TBC1D23: variants seen among roughly 807,000 people sequenced by gnomAD.
TBC1D23 encodes TBC1 domain family member 23.
Under a neutral mutation model 91.4 loss-of-function variants are expected in TBC1D23, and 55 were observed. The ratio of observed to expected loss-of-function variants is 0.60; its 90% CI spans 0.48 to 0.75. The LOEUF is 0.75. Ranked by LOEUF, TBC1D23 falls within the 30% of genes least tolerant of loss-of-function variation. The probability of loss-of-function intolerance (pLI) is 0.00; values close to 1 mark genes in which losing one functional copy is unlikely to be tolerated. For synonymous variants in TBC1D23, 289 were observed against 281.0 expected (o/e 1.03, Z -0.28); for missense variants, 725 against 836.1 (o/e 0.87, Z 1.64).
intron 1 of TBC1D23, among the ~76,000 whole-genome samples, chr3:100,272,353 C>G (rs1030564342): frequency 2.6e-5 from 4 of 152,178 alleles, no homozygotes; most frequent in Admixed American, 2.6e-4. Flanking sequence ...TGTTTGAGAA[C>G]ATGCAGTATT....
intron 14 of TBC1D23, among the ~76,000 whole-genome samples, chr3:100,311,537 C>T (rs147599457): frequency 5.3e-5 from 8 of 152,222 alleles, no homozygotes; most frequent in African/African-American, 1.9e-4. Flanking sequence ...TTTGTTGGTG[C>T]TTCTGAGTTG....
chr3:100,273,853 A>G (rs944757860), intron 1 of TBC1D23, among the ~76,000 whole-genome samples: 1 of 152,256 alleles, frequency 6.6e-6, no homozygotes, highest in Non-Finnish European at 1.5e-5. Flanking sequence ...TACACTATAT[A>G]CAAAAATCAA....
chr3:100,307,375 A>G lies in TBC1D23; in HGVS notation c.1413+832A>G, dbSNP rs1705534328. 2.0e-5 allele frequency among the ~76,000 whole-genome samples: 3 copies of G among 152,262 alleles called. No individual in the cohort carries two copies. The South Asian group carries it at 6.2e-4, about 31-fold the overall frequency. On this transcript the variant is annotated intron_variant, in intron 13 of 18. Coordinates refer to ENST00000394144, the MANE Select transcript of TBC1D23 (RefSeq NM_001199198.3). ...ACATACCTGGGTTCAGATTTCATCT[A>G]CAACTTACTTTCTTCATGATCTCCA... is the stretch of plus-strand genomic sequence containing the variant.
intron 4 of TBC1D23, among the ~76,000 whole-genome samples, chr3:100,288,681 T>C (rs1212812762): frequency 6.6e-6 from 1 of 152,224 alleles, no homozygotes; most frequent in Non-Finnish European, 1.5e-5. Flanking sequence ...GTTTATAAGT[T>C]TTTGCTGATT....
intron 3 of TBC1D23, among the ~76,000 whole-genome samples, chr3:100,282,659 T>A (rs1445237448): frequency 6.6e-6 from 1 of 152,248 alleles, no homozygotes; most frequent in Non-Finnish European, 1.5e-5. Context: ...ATATTTTAGT[T>A]AAATTATTAG....
At chr3:100,306,413 C>CTT (rs199565283) in intron 12 of TBC1D23, 24 bp from the exon 13 acceptor site, 21 of 1,275,978 alleles carry the variant, frequency 1.6e-5, no homozygotes, top group African/African-American at 6.1e-5. Context: ...TTAGGTTTTT[C>CTT]TTTTTTTTTT....
At position 100,295,064 on chromosome 3, in the gene TBC1D23, CTCATT is replaced by C. The variant is rs755093809; in HGVS notation, c.601-15_601-11del. 3.2e-6 allele frequency: 5 copies of C among 1,553,908 alleles called. No individual in the cohort carries two copies. Among genetic ancestry groups the C allele is most frequent in the Non-Finnish European group, 8.6e-7 (1 of 1,156,426 alleles). The stretch of plus-strand genomic sequence containing the variant: ...AAGTCACCTCCAGTGGTTTATGTCT[CTCATT>C]TCATTTCCTGATTACAGCTTGGAAG... On this transcript the variant is annotated intron_variant, in intron 5 of 18. Transcript: ENST00000394144.
At chr3:100,289,206 C>A (rs2067768913) in intron 4 of TBC1D23, among the ~76,000 whole-genome samples, 1 of 152,030 alleles carries the variant, frequency 6.6e-6, no homozygotes, top group Non-Finnish European at 1.5e-5. Context: ...CAGAGCTAGA[C>A]CCTGTCTTAA....
In TBC1D23 at chr3:100,324,572, A is replaced by G. The variant is rs1268144261; in HGVS notation, c.*904A>G. On this transcript the variant is annotated 3_prime_UTR_variant, in exon 19 of 19. Coordinates refer to ENST00000394144, the MANE Select transcript of TBC1D23 (RefSeq NM_001199198.3). ...TGCCAAATAATCAGAGAGCTTATAAAGTACAATTGTTTTTGTCATCATTTT... is the reference window on the plus strand; with the variant it reads ...TGCCAAATAATCAGAGAGCTTATAAGGTACAATTGTTTTTGTCATCATTTT... The G allele has an allele frequency of 6.6e-6, 1 of 152,204 alleles. No homozygotes were observed. Among genetic ancestry groups the G allele is most frequent in the African/African-American group, 2.4e-5 (1 of 41,462 alleles). 9.4% of individuals were successfully genotyped at this position (152,204 alleles called of 1,614,324 possible). A position where few individuals can be genotyped will look rare whatever the true frequency, so the allele number is the denominator to read the frequency against.
chr3:100,299,791 G>T (rs567253191), intron 10 of TBC1D23, among the ~76,000 whole-genome samples: 1 of 152,324 alleles, frequency 6.6e-6, no homozygotes, highest in Non-Finnish European at 1.5e-5. Context: ...GATTATAGGC[G>T]TGAGCCACCA....
intron 1 of TBC1D23, among the ~76,000 whole-genome samples, chr3:100,274,111 A>C (rs2067625573): frequency 6.6e-6 from 1 of 152,172 alleles, no homozygotes; most frequent in Non-Finnish European, 1.5e-5. Context: ...AAAATTCTTT[A>C]AAATGATTAT....
intron 11 of TBC1D23, among the ~76,000 whole-genome samples, chr3:100,303,995 CATT>C (rs1445789663): frequency 6.6e-6 from 1 of 152,064 alleles, no homozygotes; most frequent in Non-Finnish European, 1.5e-5. Context: ...ATAACCACAT[CATT>C]ATCATACTTT....
At chr3:100,285,857 A>T (rs1440105730) in intron 4 of TBC1D23, among the ~76,000 whole-genome samples, 7 of 151,012 alleles carry the variant, frequency 4.6e-5, no homozygotes, top group African/African-American at 1.7e-4. Flanking sequence ...GGCAATTTAT[A>T]TTTCTTCTTT....
rs750417119 is a variant in TBC1D23, at chr3:100,320,796, A to G, written c.1843A>G (p.Thr615Ala). Reference protein sequence around the residue: ...MFPSHLLVTATHMYCLREIVS... With the variant: ...MFPSHLLVTAAHMYCLREIVS... ...CTCAAGTCATCTGTTGGTTACTGCA[A>G]CACATATGTACTGTTTAAGGGAGAT... The change falls in exon 18 of 19, where the codon ACA (threonine) becomes GCA (alanine). Residue 615 changes from threonine (T) to alanine (A), a missense_variant. Thr to Ala is a moderately conservative substitution (Grantham distance 58). Coordinates refer to ENST00000394144, the MANE Select transcript of TBC1D23 (RefSeq NM_001199198.3). 7 of 1,517,444 alleles carry G rather than the reference A, an allele frequency of 4.6e-6. No individual in the cohort carries two copies. Among genetic ancestry groups the G allele is most frequent in the Non-Finnish European group, 6.2e-6 (7 of 1,134,702 alleles). The allele number at this position is 1,517,444 out of a possible 1,614,324, so 94.0% of individuals were successfully genotyped here. A position where few individuals can be genotyped will look rare whatever the true frequency, so the allele number is the denominator to read the frequency against.
In TBC1D23 at chr3:100,324,885, G is replaced by T. The variant is rs1313006187; in HGVS notation, c.*1217G>T. ...GATTATCTCTAAGGGGTTGATGGGA[G>T]AAATATTTAGATGTACCCTGTTAAC... On this transcript the variant is annotated 3_prime_UTR_variant, in exon 19 of 19. Transcript: ENST00000394144. The T allele has an allele frequency of 6.6e-6, 1 of 152,162 alleles. No individual in the cohort carries two copies. The highest frequency in any genetic ancestry group is 6.5e-5 in the Admixed American group (1 of 15,270). The allele number at this position is 152,162 out of a possible 1,614,324, so 9.4% of individuals were successfully genotyped here.
At chr3:100,268,159 CTAATAA>C (rs201329638) in intron 1 of TBC1D23, among the ~76,000 whole-genome samples, 3 of 151,808 alleles carry the variant, frequency 2.0e-5, no homozygotes, top group South Asian at 4.1e-4. Context: ...GACTCTGTCT[CTAATAA>C]TAATAATAAT....
Position 100,298,327 on chromosome 3 carries a change from A to G in TBC1D23, c.999+282A>G, listed in dbSNP as rs549054656. The stretch of plus-strand genomic sequence containing the variant: ...TTCCATATTTCAGTAGAGCAACTGA[A>G]TGTGGCATTGTATAAAATACTTTTA... On this transcript the variant is annotated intron_variant, in intron 9 of 18. Transcript: ENST00000394144. Among the ~76,000 whole-genome samples the G allele has an allele frequency of 7.2e-5, 11 of 152,290 alleles. No homozygotes were observed. The East Asian group carries it at 1.9e-3, about 27-fold the overall frequency.
chr3:100,308,326 A>G (rs1432355124), intron 13 of TBC1D23, among the ~76,000 whole-genome samples: 1 of 151,810 alleles, frequency 6.6e-6, no homozygotes, highest in Non-Finnish European at 1.5e-5. Context: ...ATACAAAAAA[A>G]TAGCCGGGCG....
At position 100,297,914 on chromosome 3, in the gene TBC1D23, T is replaced by A; in HGVS notation, c.877-9T>A. On this transcript the variant is annotated splice_polypyrimidine_tract_variant and intron_variant, in intron 8 of 18. Transcript: ENST00000394144. ...TTTTCATAATGTTTAAAAATTTCCCTTCAAACAGGATAATCACCATCTCTT... is the reference window on the plus strand; with the variant it reads ...TTTTCATAATGTTTAAAAATTTCCCATCAAACAGGATAATCACCATCTCTT... 1 of 1,583,488 alleles carries A rather than the reference T, an allele frequency of 6.3e-7. No homozygotes were observed. The highest frequency in any genetic ancestry group is 1.7e-4 in the Middle Eastern group (1 of 5,930).
Sources: gnomAD v4.1 joint callset for allele counts (sites outside exome capture counted in the v4.1 genomes callset) on GRCh38, gnomAD v4.1.1 for gene constraint, MANE v1.5 for transcripts, NCBI Gene and HGNC (gene_info 2026-07-23, HGNC 2026-07-21) for gene names.